SLC17A3: variants seen among roughly 807,000 people sequenced by gnomAD.
The protein encoded by SLC17A3 is solute carrier family 17 member 3.
A neutral mutation model predicts 60.3 loss-of-function variants in SLC17A3; 61 were observed. The observed-to-expected ratio is 1.01, with a 90% confidence interval of 0.82 to 1.25. The LOEUF (loss-of-function observed/expected upper bound fraction) is 1.25, where lower values mean the gene tolerates loss of function less well. SLC17A3 is among the 50% of genes most tolerant of loss of function. SLC17A3 has a pLI of 0.00. For synonymous variants in SLC17A3, 192 were observed against 208.9 expected (o/e 0.92, Z 0.70); for missense variants, 624 against 594.9 (o/e 1.05, Z -0.51).
chr6:25,870,256 G>T (rs1439634431), intron 1 of SLC17A3, among the ~76,000 whole-genome samples: 1 of 151,864 alleles, frequency 6.6e-6, no homozygotes, highest in Non-Finnish European at 1.5e-5. Flanking sequence ...CTGTTTCTAG[G>T]GAAATTGCCC....
intron 1 of SLC17A3, chr6:25,868,634 G>A: frequency 6.1e-6 from 3 of 488,364 alleles, no homozygotes; most frequent in Non-Finnish European, 1.1e-5. Flanking sequence ...TGCTCTTGGT[G>A]TGCCAGTTTA....
chr6:25,850,709 G>A (rs749545545), intron 7 of SLC17A3, 50 bp downstream of exon 7: 8 of 1,604,622 alleles, frequency 5.0e-6, no homozygotes, highest in Non-Finnish European at 3.4e-6. Flanking sequence ...AAGGCCTCAA[G>A]AAAATCCAGA....
At chr6:25,861,184 A>G (rs1442301925) in intron 5 of SLC17A3, among the ~76,000 whole-genome samples, 1 of 152,194 alleles carries the variant, frequency 6.6e-6, no homozygotes, top group African/African-American at 2.4e-5. Flanking sequence ...AGAAGTTCTC[A>G]GGACAATTGA....
intron 2 of SLC17A3, among the ~76,000 whole-genome samples, chr6:25,866,804 T>C (rs1447624220): frequency 1.3e-5 from 2 of 151,964 alleles, no homozygotes; most frequent in Admixed American, 1.3e-4. Flanking sequence ...TGGCAATTAA[T>C]GGAAGAAAAC....
intron 5 of SLC17A3, among the ~76,000 whole-genome samples, chr6:25,861,205 AAAG>A: frequency 6.6e-6 from 1 of 152,310 alleles, no homozygotes; most frequent in East Asian, 1.9e-4. Context: ...GAGCAACTCC[AAAG>A]AAGATTAAGT....
chr6:25,846,850 A>G (rs1765182490), intron 11 of SLC17A3, among the ~76,000 whole-genome samples: 1 of 152,032 alleles, frequency 6.6e-6, no homozygotes, highest in South Asian at 2.1e-4. Context: ...TGACCTCGTG[A>G]TTGCCTGCCT....
At chr6:25,858,283 A>G (rs1765392496) in intron 5 of SLC17A3, among the ~76,000 whole-genome samples, 1 of 152,156 alleles carries the variant, frequency 6.6e-6, no homozygotes, top group Non-Finnish European at 1.5e-5. Context: ...GGCTGTGCTA[A>G]CTGCCTCCAT....
chr6:25,849,601 A>G (rs1765236506), intron 10 of SLC17A3, 137 bp from the exon 11 acceptor site: 1 of 738,122 alleles, frequency 1.4e-6, no homozygotes, highest in South Asian at 1.6e-5. Context: ...TATATCAAAA[A>G]GGACTTGCAC....
chr6:25,872,496 C>A (rs1765661044), intron 1 of SLC17A3, among the ~76,000 whole-genome samples: 1 of 150,444 alleles, frequency 6.6e-6, no homozygotes, highest in South Asian at 2.1e-4. Flanking sequence ...TCCACAAAGA[C>A]ACAAAGACAC....
intron 2 of SLC17A3, among the ~76,000 whole-genome samples, chr6:25,866,547 GA>G: frequency 6.6e-6 from 1 of 152,078 alleles, no homozygotes; most frequent in East Asian, 1.9e-4. Flanking sequence ...TGTTGTTTCA[GA>G]CTACTATGTT....
rs746633206 is a variant in SLC17A3, at chr6:25,850,143, G to GC, written c.1027dup (p.Ala343GlyfsTer21). ...GCCTCCCACCATGCCTATGACCCAG[G>GC]CAACAATAAAAGGAAGGGCAGATAG... On this transcript the variant is annotated frameshift_variant, in exon 9 of 13. Transcript: ENST00000397060. LOFTEE classifies it high-confidence loss of function. 6.2e-7 allele frequency: 1 copy of GC among 1,613,602 alleles called. No individual in the cohort carries two copies. The highest frequency in any genetic ancestry group is 8.5e-7 in the Non-Finnish European group (1 of 1,179,646).
rs1395697873 is a variant in SLC17A3, at chr6:25,845,167, A to G, written c.*134T>C. 1.9e-6 allele frequency: 1 copy of G among 519,290 alleles called. No individual in the cohort carries two copies. Among genetic ancestry groups the G allele is most frequent in the African/African-American group, 1.9e-5 (1 of 52,048 alleles). The allele number at this position is 519,290 out of a possible 1,614,324, so 32.2% of individuals were successfully genotyped here. Reference sequence around the variant, plus strand: ...TTCTCTCAAAAAAAAGTCTGAATAAAATAATGAACTGATCTCATAATTGAA... The same window carrying G: ...TTCTCTCAAAAAAAAGTCTGAATAAGATAATGAACTGATCTCATAATTGAA... On this transcript the variant is annotated 3_prime_UTR_variant, in exon 13 of 13. Transcript: ENST00000397060.
chr6:25,850,853 A>G lies in SLC17A3; in HGVS notation c.737T>C (p.Leu246Pro). ...IFGGVGCVCC[L>P]LWFVVIYDDP... is the part of the protein sequence containing the mutation. ...ATCATAAATCACAACAAACCAGAGA[A>G]GGCAGCAGACACAGCCAACACCTCC... The change falls in exon 7 of 13, where the codon CTT becomes CCT. Residue 246 changes from leucine to proline, a missense_variant. Leu to Pro is a moderately conservative substitution (Grantham distance 98). Coordinates refer to ENST00000397060, the MANE Select transcript of SLC17A3 (RefSeq NM_001098486.2). 6.2e-7 allele frequency: 1 copy of G among 1,614,118 alleles called. No individual in the cohort carries two copies. Among genetic ancestry groups the G allele is most frequent in the African/African-American group, 1.3e-5 (1 of 75,060 alleles).
At chr6:25,846,559 C>A (rs186509143) in intron 11 of SLC17A3, among the ~76,000 whole-genome samples, 1 of 152,226 alleles carries the variant, frequency 6.6e-6, no homozygotes, top group East Asian at 1.9e-4. Context: ...AGGAGGGGTA[C>A]TGAATGGAAA....
rs1561851844 is a variant in SLC17A3, at chr6:25,845,410, GC to G, written c.1468del (p.Ala490LeufsTer61). The G allele has an allele frequency of 6.2e-7, 1 of 1,613,902 alleles. No homozygotes were observed. Among genetic ancestry groups the G allele is most frequent in the Non-Finnish European group, 8.5e-7 (1 of 1,179,928 alleles). ...IFGEADVQEW[A>X]KERKLTRL ...TAAACGAGTGAGTTTTCTCTCTTTA[GC>G]CCATTCTTGGACATCTGCTTCTCCA... On this transcript the variant is annotated frameshift_variant, in exon 12 of 13. Transcript: ENST00000397060. LOFTEE classifies it high-confidence loss of function.
chr6:25,849,525 C>T (rs1208316828), intron 10 of SLC17A3, 61 bp from the exon 11 acceptor site: 1 of 987,664 alleles, frequency 1.0e-6, no homozygotes, highest in Non-Finnish European at 1.6e-6. Flanking sequence ...TCCTTCAGCC[C>T]TGATCCATGT....
At chr6:25,874,042 C>T (rs1171521750) in intron 1 of SLC17A3, 125 bp downstream of exon 1, 1 of 152,086 alleles carries the variant, frequency 6.6e-6, no homozygotes, top group Non-Finnish European at 1.5e-5. Flanking sequence ...TGGATTTTTA[C>T]ATTTTTCATT....
chr6:25,873,930 C>T (rs1200245852), intron 1 of SLC17A3, among the ~76,000 whole-genome samples: 1 of 152,142 alleles, frequency 6.6e-6, no homozygotes, highest in Non-Finnish European at 1.5e-5. Flanking sequence ...TCTTCCATAG[C>T]TGCTACTGTC....
chr6:25,852,792 T>A (rs1472292679), intron 6 of SLC17A3, among the ~76,000 whole-genome samples: 3 of 152,124 alleles, frequency 2.0e-5, no homozygotes, highest in Admixed American at 2.0e-4. Context: ...CAGCTCTGGG[T>A]TAGTTTTGAT....
Sources: gnomAD v4.1 joint callset for allele counts (sites outside exome capture counted in the v4.1 genomes callset) on GRCh38, gnomAD v4.1.1 for gene constraint, MANE v1.5 for transcripts, NCBI Gene and HGNC (gene_info 2026-07-23, HGNC 2026-07-21) for gene names.